Variants in SDC2 observed in about 807,000 individuals in gnomAD.
SDC2 encodes the protein syndecan-2.
SDC2 carries 13 observed loss-of-function variants against 22.2 expected under a neutral mutation model. The observed-to-expected ratio is 0.59, with a 90% confidence interval of 0.38 to 0.93. The LOEUF is 0.93. Among genes scored for constraint, SDC2 ranks in the 40% least tolerant of loss-of-function variants. The pLI is 0.00. For synonymous variants in SDC2, 94 were observed against 92.8 expected, an observed-to-expected ratio of 1.01 and a Z score of -0.07; for missense variants, 235 against 246.8, an observed-to-expected ratio of 0.95 and a Z score of 0.32.
At chr8:96,560,084 A>T (rs1403094085) in intron 1 of SDC2, among the ~76,000 whole-genome samples, 1 of 152,160 alleles carries the variant, frequency 6.6e-6, no homozygotes, top group Non-Finnish European at 1.5e-5. Flanking sequence ...CAATTTTAGA[A>T]CTTTTTCATC....
rs1813222375 is a variant in SDC2 at position 96,505,321 on chromosome 8, T to TAGA, written c.60+10990_60+10991insAGA. 2.0e-5 allele frequency among the ~76,000 whole-genome samples: 3 copies of TAGA among 152,182 alleles called. No individual in the cohort carries two copies. In the South Asian group the frequency reaches 6.2e-4, roughly 32 times the overall value. ...TATTTTTATTATTTTTATTTTTTTT[T>TAGA]GAGACAGGGTCTCGCTCTGTCGCCC... On this transcript the variant is annotated intron_variant, in intron 1 of 4. Coordinates refer to ENST00000302190, the MANE Select transcript of SDC2 (RefSeq NM_002998.4).
intron 1 of SDC2, chr8:96,529,330 G>C (rs1355204483): frequency 6.6e-6 from 1 of 152,124 alleles, no homozygotes; most frequent in Non-Finnish European, 1.5e-5. Context: ...ATTATCTCTG[G>C]TGATTGACTT....
intron 1 of SDC2, among the ~76,000 whole-genome samples, chr8:96,500,388 G>A (rs535818427): frequency 2.8e-4 from 43 of 152,146 alleles, no homozygotes; most frequent in African/African-American, 9.4e-4. Context: ...GTGGCCTGGC[G>A]CGATATCTCA....
chr8:96,517,636 A>G (rs760000042), intron 1 of SDC2, among the ~76,000 whole-genome samples: 14 of 152,166 alleles, frequency 9.2e-5, no homozygotes, highest in Admixed American at 3.3e-4. Context: ...AAATATATTG[A>G]CCATAAATGT....
At chr8:96,520,854 C>A (rs1813486082) in intron 1 of SDC2, among the ~76,000 whole-genome samples, 1 of 152,102 alleles carries the variant, frequency 6.6e-6, no homozygotes, top group African/African-American at 2.4e-5. Flanking sequence ...GGGCTGTCTT[C>A]TAAACAAAGG....
chr8:96,506,769 T>G (rs1310615006), intron 1 of SDC2, among the ~76,000 whole-genome samples: 1 of 152,060 alleles, frequency 6.6e-6, no homozygotes, highest in African/African-American at 2.4e-5. Flanking sequence ...CCCAGCACTT[T>G]GGGAGGCTGA....
chr8:96,604,214 G>GT (rs1246669585), intron 3 of SDC2, among the ~76,000 whole-genome samples: 1 of 152,120 alleles, frequency 6.6e-6, no homozygotes, highest in African/African-American at 2.4e-5. Context: ...TTGACATAGA[G>GT]TTCTGTCTGG....
intron 1 of SDC2, among the ~76,000 whole-genome samples, chr8:96,516,425 T>C (rs937309131): frequency 2.6e-5 from 4 of 152,220 alleles, no homozygotes; most frequent in Non-Finnish European, 4.4e-5. Flanking sequence ...AATAGCTTTG[T>C]TGAAGTATAA....
At chr8:96,577,426 G>A (rs1233977795) in intron 1 of SDC2, among the ~76,000 whole-genome samples, 1 of 152,088 alleles carries the variant, frequency 6.6e-6, no homozygotes, top group Non-Finnish European at 1.5e-5. Flanking sequence ...TATTTTTTCG[G>A]TAGAGTCTTA....
intron 1 of SDC2, among the ~76,000 whole-genome samples, chr8:96,548,193 T>G (rs1563657109): frequency 6.6e-6 from 1 of 152,210 alleles, no homozygotes; most frequent in Non-Finnish European, 1.5e-5. Flanking sequence ...ATTTCAGTGG[T>G]CTCAACTGAA....
chr8:96,503,405 T>C (rs1813194342), intron 1 of SDC2, among the ~76,000 whole-genome samples: 1 of 152,122 alleles, frequency 6.6e-6, no homozygotes, highest in African/African-American at 2.4e-5. Flanking sequence ...GAAACTATAG[T>C]ACACAAAAAG....
chr8:96,548,755 G>C (rs958365137), intron 1 of SDC2, among the ~76,000 whole-genome samples: 1 of 152,202 alleles, frequency 6.6e-6, no homozygotes. Flanking sequence ...CAAGTCTTCT[G>C]TTTAAACTCC....
At position 96,511,164 on chromosome 8, in the gene SDC2, C is replaced by G. The variant is rs116162623; in HGVS notation, c.60+16833C>G. On this transcript the variant is annotated intron_variant, in intron 1 of 4. Transcript: ENST00000302190. ...GGGGATCCTTCTGCATGCTAACGTT[C>G]GAGAACCTCTGAGCTACGGTTCTCA... is the stretch of plus-strand genomic sequence containing the variant. Among the ~76,000 whole-genome samples the G allele has an allele frequency of 3.9e-5, 6 of 152,254 alleles. No homozygotes were observed. The East Asian group carries it at 1.2e-3, about 29-fold the overall frequency.
chr8:96,531,753 A>G (rs1284289358), intron 1 of SDC2, among the ~76,000 whole-genome samples: 2 of 152,204 alleles, frequency 1.3e-5, no homozygotes, highest in Non-Finnish European at 2.9e-5. Flanking sequence ...TGTTCTGGTA[A>G]TCTCTAAATT....
At position 96,593,567 on chromosome 8, in the gene SDC2, G is replaced by A; in HGVS notation, c.148G>A (p.Asp50Asn). ...ASGVYPIDDD[D>N]YASASGSGAD... Reference sequence around the variant, plus strand: ...AGGAGTGTATCCTATTGATGACGATGACTACGCTTCTGCGTCTGGCTCGGG... The same window carrying A: ...AGGAGTGTATCCTATTGATGACGATAACTACGCTTCTGCGTCTGGCTCGGG... The change falls in exon 2 of 5, where the codon GAC becomes AAC. Residue 50 changes from aspartate to asparagine, a missense_variant. By Grantham distance (23) the Asp-to-Asn change is conservative. Transcript: ENST00000302190. The A allele has an allele frequency of 6.2e-7, 1 of 1,613,528 alleles. No homozygotes were observed. Among genetic ancestry groups the A allele is most frequent in the Admixed American group, 1.7e-5 (1 of 60,030 alleles).
intron 1 of SDC2, among the ~76,000 whole-genome samples, chr8:96,509,860 T>C (rs891913815): frequency 1.3e-5 from 2 of 152,208 alleles, no homozygotes; most frequent in Non-Finnish European, 2.9e-5. Flanking sequence ...AGTGTGGAAT[T>C]GGGAAATCCT....
chr8:96,565,093 T>TG, intron 1 of SDC2, among the ~76,000 whole-genome samples: 2 of 120,308 alleles, frequency 1.7e-5, no homozygotes, highest in African/African-American at 6.1e-5. Context: ...GATTTTTTTT[T>TG]TTTTTTGTTG....
chr8:96,496,886 A>T (rs150297791), intron 1 of SDC2, among the ~76,000 whole-genome samples: 2 of 152,340 alleles, frequency 1.3e-5, no homozygotes, highest in Non-Finnish European at 2.9e-5. Flanking sequence ...CTAGTGATCC[A>T]TTCATACTTT....
chr8:96,607,768 C>T (rs377732762), intron 3 of SDC2, among the ~76,000 whole-genome samples: 11 of 152,168 alleles, frequency 7.2e-5, no homozygotes, highest in East Asian at 1.9e-4. Flanking sequence ...GAGCTACTTG[C>T]GCAATCCAAG....
Sources: gnomAD v4.1 joint callset for allele counts (sites outside exome capture counted in the v4.1 genomes callset) on GRCh38, gnomAD v4.1.1 for gene constraint, MANE v1.5 for transcripts, NCBI Gene and HGNC (gene_info 2026-07-23, HGNC 2026-07-21) for gene names.